The following BTBD9 variants were observed in gnomAD, a reference collection of about 807,000 sequenced individuals.
BTBD9 encodes the protein BTB/POZ domain-containing protein 9.
Under a neutral mutation model 64.3 loss-of-function variants are expected in BTBD9, and 49 were observed. That is an observed-to-expected ratio of 0.76 (90% CI 0.61 to 0.97). The LOEUF (loss-of-function observed/expected upper bound fraction) is 0.97. BTBD9 is among the 50% of genes least tolerant of loss of function. The pLI, the probability that BTBD9 is intolerant of heterozygous loss-of-function variation, is 0.00. For synonymous variants in BTBD9, 260 were observed against 274.7 expected (o/e 0.95, Z 0.53); for missense variants, 598 against 762.1 (o/e 0.78, Z 2.53).
At chr6:38,212,586 C>T (rs949431560) in intron 9 of BTBD9, among the ~76,000 whole-genome samples, 9 of 148,024 alleles carry the variant, frequency 6.1e-5, no homozygotes, top group African/African-American at 2.2e-4. Context: ...CACTAAATGG[C>T]AATGGCAGAG....
intron 6 of BTBD9, among the ~76,000 whole-genome samples, chr6:38,576,792 T>G (rs189366673): frequency 2.4e-3 from 372 of 152,194 alleles, no homozygotes; most frequent in Admixed American, 4.1e-3. Flanking sequence ...CAATTTCCAG[T>G]GAGAAAACAC....
At position 38,171,836 on chromosome 6, in the gene BTBD9, T is replaced by G. The variant is rs1380264370; in HGVS notation, c.*3149A>C. On this transcript the variant is annotated 3_prime_UTR_variant, in exon 11 of 11. Transcript: ENST00000481247. ...CCCCAAAAGCTCCAATGAAGTTGCC[T>G]TTCTACTCTCAAAAAAAAAAAAAAA... is the stretch of plus-strand genomic sequence containing the variant. 9.3e-6 allele frequency: 1 copy of G among 107,608 alleles called. No homozygotes were observed. Among genetic ancestry groups the G allele is most frequent in the East Asian group, 3.0e-4 (1 of 3,364 alleles). The allele number at this position is 107,608 out of a possible 1,614,324, so 6.7% of individuals were successfully genotyped here. A position where few individuals can be genotyped will look rare whatever the true frequency, so the allele number is the denominator to read the frequency against.
chr6:38,225,684 G>A (rs1763370356), intron 9 of BTBD9, among the ~76,000 whole-genome samples: 3 of 152,132 alleles, frequency 2.0e-5, no homozygotes, highest in Admixed American at 2.0e-4. Flanking sequence ...AACAGGGGAG[G>A]CCAACTCTAG....
chr6:38,629,195 A>C (rs1778278094), intron 1 of BTBD9, among the ~76,000 whole-genome samples: 1 of 152,232 alleles, frequency 6.6e-6, no homozygotes, highest in Admixed American at 6.5e-5. Context: ...TTTGGCAACA[A>C]TCATGACAAT....
chr6:38,447,175 G>A (rs1393158889), intron 6 of BTBD9, among the ~76,000 whole-genome samples: 1 of 152,200 alleles, frequency 6.6e-6, no homozygotes, highest in African/African-American at 2.4e-5. Context: ...GGCTAGTACT[G>A]AAAGAAAATG....
intron 10 of BTBD9, among the ~76,000 whole-genome samples, chr6:38,182,981 CTT>C (rs34180118): frequency 5.9e-4 from 85 of 142,930 alleles, no homozygotes; most frequent in African/African-American, 9.1e-4. Flanking sequence ...AAAAGGTCTT[CTT>C]TTTTTTTTTT....
At chr6:38,517,102 C>A (rs1220849047) in intron 6 of BTBD9, among the ~76,000 whole-genome samples, 2 of 152,178 alleles carry the variant, frequency 1.3e-5, no homozygotes, top group Non-Finnish European at 2.9e-5. Flanking sequence ...CTCCACTCTA[C>A]CTCAGTCATA....
At chr6:38,273,646 G>A (rs780011163) in intron 8 of BTBD9, among the ~76,000 whole-genome samples, 2 of 152,208 alleles carry the variant, frequency 1.3e-5, no homozygotes, top group Non-Finnish European at 2.9e-5. Flanking sequence ...CAGAGAATCA[G>A]AGTAAATATA....
chr6:38,592,514 T>C, intron 4 of BTBD9, 62 bp downstream of exon 4: 1 of 1,581,602 alleles, frequency 6.3e-7, no homozygotes, highest in Non-Finnish European at 8.6e-7. Flanking sequence ...AGCTTTGCGG[T>C]TTTAATGGCA....
intron 6 of BTBD9, among the ~76,000 whole-genome samples, chr6:38,503,265 A>AG (rs1772296659): frequency 6.6e-6 from 1 of 152,054 alleles, no homozygotes; most frequent in Non-Finnish European, 1.5e-5. Context: ...GAAATGAAAG[A>AG]GGAGGGGCAG....
chr6:38,618,464 T>A (rs1777868389), intron 1 of BTBD9, among the ~76,000 whole-genome samples: 3 of 152,168 alleles, frequency 2.0e-5, no homozygotes, highest in African/African-American at 7.2e-5. Context: ...TCTCAGCTTA[T>A]CTCCATATCC....
chr6:38,516,088 G>A (rs1773009477), intron 6 of BTBD9, among the ~76,000 whole-genome samples: 1 of 152,080 alleles, frequency 6.6e-6, no homozygotes, highest in Non-Finnish European at 1.5e-5. Flanking sequence ...TAGCTCATAA[G>A]TAGAGCCTCA....
intron 5 of BTBD9, among the ~76,000 whole-genome samples, chr6:38,578,787 T>C (rs557370465): frequency 4.6e-5 from 7 of 152,358 alleles, no homozygotes; most frequent in African/African-American, 1.7e-4. Flanking sequence ...AGAACTGTTA[T>C]GTGGTAAAGT....
chr6:38,386,844 T>C (rs936331595), intron 6 of BTBD9, among the ~76,000 whole-genome samples: 8 of 152,052 alleles, frequency 5.3e-5, no homozygotes, highest in Non-Finnish European at 8.8e-5. Context: ...GGTTTCACCA[T>C]GCTGCCCAGG....
At chr6:38,272,960 C>A (rs969945782) in intron 8 of BTBD9, among the ~76,000 whole-genome samples, 1 of 152,138 alleles carries the variant, frequency 6.6e-6, no homozygotes, top group Non-Finnish European at 1.5e-5. Flanking sequence ...AGATCCCAAC[C>A]AACCCTTCTC....
At chr6:38,544,835 G>C (rs1016850515) in intron 6 of BTBD9, among the ~76,000 whole-genome samples, 1 of 144,918 alleles carries the variant, frequency 6.9e-6, no homozygotes, top group African/African-American at 2.6e-5. Context: ...GCTAAGGCAG[G>C]AGAATTGCTT....
chr6:38,441,681 C>T (rs926288856), intron 6 of BTBD9, among the ~76,000 whole-genome samples: 1 of 152,070 alleles, frequency 6.6e-6, no homozygotes, highest in Non-Finnish European at 1.5e-5. Context: ...CCTCCAAAAG[C>T]ACTAGTATTA....
chr6:38,594,108 G>A lies in BTBD9; in HGVS notation c.405C>T (p.Thr135=), dbSNP rs1426795354. The A allele has an allele frequency of 6.2e-7, 1 of 1,614,140 alleles. No homozygotes were observed. Among genetic ancestry groups the A allele is most frequent in the Non-Finnish European group, 8.5e-7 (1 of 1,180,020 alleles). Residue 135 remains threonine (T), a synonymous_variant, in exon 3 of 11, where the codon ACC becomes ACT. Coordinates refer to ENST00000481247, the MANE Select transcript of BTBD9 (RefSeq NM_001099272.2). ...LEDSTSEYLC[T]ILNIQNVCMT... ...TGCAGACATTCTGAATGTTAAGTAT[G>A]GTGCAGAGATACTCAGAGGTAGAAT...
intron 6 of BTBD9, among the ~76,000 whole-genome samples, chr6:38,352,622 C>A (rs1764565332): frequency 6.6e-6 from 1 of 152,188 alleles, no homozygotes; most frequent in Non-Finnish European, 1.5e-5. Context: ...TTCTCAATCC[C>A]AGGCTCCACA....
Sources: allele counts gnomAD v4.1 joint callset (sites outside exome capture counted in the v4.1 genomes callset), GRCh38; gene constraint gnomAD v4.1.1; transcripts MANE v1.5; gene names NCBI Gene and HGNC (gene_info 2026-07-23, HGNC 2026-07-21).